Variants in PTPRN2 observed in about 807,000 individuals in gnomAD.
PTPRN2 encodes protein tyrosine phosphatase receptor type N2, also known as receptor-type tyrosine-protein phosphatase N2.
Under a neutral mutation model 118.8 loss-of-function variants are expected in PTPRN2, and 74 were observed. That is an observed-to-expected ratio of 0.62 (90% confidence interval 0.52 to 0.76). The LOEUF (loss-of-function observed/expected upper bound fraction) is 0.76, where lower values mean the gene tolerates loss of function less well. Among genes scored for constraint, PTPRN2 ranks in the 30% least tolerant of loss-of-function variants. The pLI, the probability that PTPRN2 is intolerant of heterozygous loss-of-function variation, is 0.00. For synonymous variants in PTPRN2, 641 were observed against 608.0 expected (o/e 1.05, Z -0.80); for missense variants, 1,481 against 1,394.4 (o/e 1.06, Z -0.99).
At position 157,954,573 on chromosome 7, in the gene PTPRN2, G is replaced by A. The variant is rs574944990; in HGVS notation, c.1724-55836C>T. On this transcript the variant is annotated intron_variant, in intron 11 of 22. Transcript: ENST00000389418. ...TCTCTGCATGTGTGTCTATGTGGGT[G>A]GTGCCTGTGTACTGTGTGTGGTGTG... Among the ~76,000 whole-genome samples, 332 of 147,044 alleles carry A rather than the reference G, an allele frequency of 2.3e-3. 3 individuals are homozygous for A. The highest frequency in any genetic ancestry group is 8.4e-3 in the African/African-American group (316 of 37,786).
At chr7:157,612,682 C>T (rs961266149) in intron 15 of PTPRN2, among the ~76,000 whole-genome samples, 14 of 152,160 alleles carry the variant, frequency 9.2e-5, no homozygotes, top group Non-Finnish European at 1.6e-4. Context: ...CAAGCAGGCG[C>T]GTCTGGAAAA....
In PTPRN2 at chr7:157,801,024, T is replaced by C. The variant is rs559089014; in HGVS notation, c.1788+97649A>G. Reference sequence around the variant, plus strand: ...ACACACATATACATATACACACACATATATATACACATATATATACACATA... The same window carrying C: ...ACACACATATACATATACACACACACATATATACACATATATATACACATA... On this transcript the variant is annotated intron_variant, in intron 12 of 22. Transcript: ENST00000389418. The surrounding 1 kb of genome is among the most constrained non-coding windows in gnomAD (Gnocchi z 4.2). Among the ~76,000 whole-genome samples the C allele has an allele frequency of 4.1e-5, 6 of 147,984 alleles. No individual in the cohort carries two copies. Among genetic ancestry groups the C allele is most frequent in the South Asian group, 4.4e-4 (2 of 4,568 alleles).
chr7:157,989,334 G>A (rs185531093), intron 11 of PTPRN2, among the ~76,000 whole-genome samples: 115 of 152,288 alleles, frequency 7.6e-4, no homozygotes, highest in African/African-American at 2.7e-3. Context: ...TGGGAGGATC[G>A]CCTGAGCCCA....
chr7:157,624,649 T>A (rs1277812306), intron 14 of PTPRN2, among the ~76,000 whole-genome samples: 1 of 152,236 alleles, frequency 6.6e-6, no homozygotes, highest in Admixed American at 6.5e-5. Context: ...TCAGTTTCTA[T>A]TTAATGCGTG....
chr7:157,834,629 G>A (rs990341187), intron 12 of PTPRN2, among the ~76,000 whole-genome samples: 2 of 152,270 alleles, frequency 1.3e-5, no homozygotes, highest in Non-Finnish European at 2.9e-5. Flanking sequence ...AAGTCAGGGC[G>A]AGCGGGCGGC....
chr7:158,582,784 G>A (rs1319507777), intron 1 of PTPRN2, among the ~76,000 whole-genome samples: 5 of 106,828 alleles, frequency 4.7e-5, no homozygotes, highest in African/African-American at 7.8e-5. Context: ...GTGACAAAGC[G>A]AGACTCCATC....
At chr7:158,331,009 C>T (rs570029464) in intron 2 of PTPRN2, among the ~76,000 whole-genome samples, 8 of 128,472 alleles carry the variant, frequency 6.2e-5, no homozygotes, top group African/African-American at 2.4e-4. Flanking sequence ...CACCCGCAGA[C>T]GTCACTCACA....
At chr7:158,055,981 G>C (rs1270032218) in intron 11 of PTPRN2, among the ~76,000 whole-genome samples, 1 of 152,164 alleles carries the variant, frequency 6.6e-6, no homozygotes, top group East Asian at 1.9e-4. Flanking sequence ...ACTTCTAACG[G>C]GGCCCTGTTC....
chr7:157,789,819 G>C (rs542848670), intron 12 of PTPRN2, among the ~76,000 whole-genome samples: 62 of 149,052 alleles, frequency 4.2e-4, no homozygotes, highest in African/African-American at 1.4e-3. Context: ...TGTGTAGTAT[G>C]TGGTATGTTT....
Position 157,831,610 on chromosome 7 carries a change from T to C in PTPRN2, c.1788+67063A>G, listed in dbSNP as rs1022577679. The stretch of plus-strand genomic sequence containing the variant: ...TCTCAGTGAGCATTTCAGAGCCATC[T>C]CCACCTGTCAGAACGAGCAGGAAGA... On this transcript the variant is annotated intron_variant, in intron 12 of 22. Transcript: ENST00000389418. The surrounding 1 kb of genome is among the most constrained non-coding windows in gnomAD (Gnocchi z 4.8). 1.5e-4 allele frequency among the ~76,000 whole-genome samples: 23 copies of C among 152,236 alleles called. No homozygotes were observed. The highest frequency in any genetic ancestry group is 1.1e-3 in the Admixed American group (17 of 15,304).
chr7:157,580,779 CCCGAG>C (rs1346916815), intron 17 of PTPRN2, among the ~76,000 whole-genome samples: 11 of 123,300 alleles, frequency 8.9e-5, no homozygotes, highest in Non-Finnish European at 8.5e-5. Context: ...CACCTGCACA[CCCGAG>C]CCCCTGCACA....
Position 158,405,920 on chromosome 7 carries a change from ACGTGGCCGCACACTGAGATCCCGC to A in PTPRN2, c.163+83791_163+83814del, listed in dbSNP as rs1191689568. ...TCCCGCAGTGGCTCATCCGTGAGAC[ACGTGGCCGCACACTGAGATCCCGC>A]AGTGGCTCATCCGTGAGACACGTGT... On this transcript the variant is annotated intron_variant, in intron 2 of 22. Coordinates refer to ENST00000389418, the MANE Select transcript of PTPRN2 (RefSeq NM_002847.5). Among the ~76,000 whole-genome samples the A allele has an allele frequency of 1.6e-3, 242 of 147,606 alleles. 38 individuals carry two copies. Among genetic ancestry groups the A allele is most frequent in the Middle Eastern group, 3.8e-3 (1 of 266 alleles).
chr7:158,158,255 T>C (rs1381830834), intron 6 of PTPRN2, among the ~76,000 whole-genome samples: 1 of 152,264 alleles, frequency 6.6e-6, no homozygotes, highest in Non-Finnish European at 1.5e-5. Context: ...TTCTGTGTTA[T>C]AATCTACTGC....
chr7:158,204,806 A>C (rs569098229), intron 4 of PTPRN2, among the ~76,000 whole-genome samples: 3 of 152,250 alleles, frequency 2.0e-5, no homozygotes, highest in Non-Finnish European at 2.9e-5. Context: ...GCTCTGGGAA[A>C]GGATGATAAA....
rs1585337803 is a variant in PTPRN2 at position 158,071,456 on chromosome 7, T to TGCTCGTGGTGGTG, written c.1723+9841_1723+9842insCACCACCACGAGC. Among the ~76,000 whole-genome samples, 36 of 20,168 alleles carry TGCTCGTGGTGGTG rather than the reference T, an allele frequency of 1.8e-3. 1 individual carries two copies. The highest frequency in any genetic ancestry group is 4.9e-3 in the African/African-American group (30 of 6,076). 13.2% of individuals were successfully genotyped at this position (20,168 alleles called of 152,430 possible). ...TCGTGGTGGTGGAGGTGCTCGTGGTTGAGGTGCTCGTGGTGGTGGAGGTTC... is the reference window on the plus strand; with the variant it reads ...TCGTGGTGGTGGAGGTGCTCGTGGTTGCTCGTGGTGGTGGAGGTGCTCGTGGTGGTGGAGGTTC... On this transcript the variant is annotated intron_variant, in intron 11 of 22. Transcript: ENST00000389418.
chr7:157,576,575 C>A, intron 19 of PTPRN2, 38 bp downstream of exon 19: 1 of 1,569,690 alleles, frequency 6.4e-7, no homozygotes, highest in South Asian at 1.1e-5. Flanking sequence ...GCCGCGCGCT[C>A]AGCGCGCACT....
intron 11 of PTPRN2, among the ~76,000 whole-genome samples, chr7:158,069,317 C>T (rs1284284977): frequency 1.3e-5 from 2 of 152,210 alleles, no homozygotes; most frequent in Non-Finnish European, 1.5e-5. Flanking sequence ...GATCCTCCCA[C>T]CTCAACCTCC....
intron 11 of PTPRN2, among the ~76,000 whole-genome samples, chr7:157,994,541 G>A (rs1176278014): frequency 1.6e-5 from 1 of 64,136 alleles, no homozygotes; most frequent in African/African-American, 3.7e-5. Context: ...ACAGCTCCTT[G>A]TTCCTAAAAT....
chr7:158,076,730 C>G (rs1340339134), intron 11 of PTPRN2, among the ~76,000 whole-genome samples: 1 of 152,150 alleles, frequency 6.6e-6, no homozygotes, highest in Non-Finnish European at 1.5e-5. Flanking sequence ...GTGCTCTGCC[C>G]AAAGGCCAGC....
Sources: allele counts gnomAD v4.1 joint callset (sites outside exome capture counted in the v4.1 genomes callset), GRCh38; gene constraint gnomAD v4.1.1; non-coding constraint Gnocchi (gnomAD v3.1); transcripts MANE v1.5; gene names NCBI Gene and HGNC (gene_info 2026-07-23, HGNC 2026-07-21).